BTRC: variants seen among roughly 807,000 people sequenced by gnomAD.
BTRC encodes F-box/WD repeat-containing protein 1A.
A neutral mutation model predicts 85.5 loss-of-function variants in BTRC; 42 were observed. That is an observed-to-expected ratio of 0.49 (90% confidence interval 0.38 to 0.64). The LOEUF (loss-of-function observed/expected upper bound fraction) is 0.64, where lower values mean the gene tolerates loss of function less well. Among genes scored for constraint, BTRC ranks in the 30% least tolerant of loss-of-function variants. The probability of loss-of-function intolerance (pLI) is 0.00; values close to 1 mark genes in which losing one functional copy is unlikely to be tolerated. For missense variants in BTRC, 594 were observed against 743.5 expected (o/e 0.80, Z 2.34); for synonymous variants, 255 against 263.3 (o/e 0.97, Z 0.30).
At chr10:101,481,684 A>G (rs979637367) in intron 4 of BTRC, among the ~76,000 whole-genome samples, 2 of 152,174 alleles carry the variant, frequency 1.3e-5, no homozygotes, top group Admixed American at 1.3e-4. Flanking sequence ...GTGAGAAAGT[A>G]AGTTTGCTCA....
chr10:101,513,924 T>C (rs1392265439), intron 4 of BTRC, among the ~76,000 whole-genome samples: 1 of 152,216 alleles, frequency 6.6e-6, no homozygotes, highest in East Asian at 1.9e-4. Context: ...TGTTCCTCAT[T>C]CTTGTCCACA....
Position 101,518,240 on chromosome 10 carries a change from A to G in BTRC, c.325-3399A>G, listed in dbSNP as rs185388853. Among the ~76,000 whole-genome samples, 148 of 152,242 alleles carry G rather than the reference A, an allele frequency of 9.7e-4. 2 individuals are homozygous for G. Among genetic ancestry groups the G allele is most frequent in the African/African-American group, 3.4e-3 (141 of 41,560 alleles). ...GTAGTGTCTTAATTGGCCTCCTTCT[A>G]TTTATGTCCCATATAGTTTTAAAGG... On this transcript the variant is annotated intron_variant, in intron 4 of 14. Transcript: ENST00000370187.
chr10:101,363,131 A>G lies in BTRC; in HGVS notation c.48+8903A>G, dbSNP rs1942260588. Among the ~76,000 whole-genome samples the G allele has an allele frequency of 2.6e-5, 4 of 152,146 alleles. No individual in the cohort carries two copies. The South Asian group carries it at 8.3e-4, about 31-fold the overall frequency. On this transcript the variant is annotated intron_variant, in intron 1 of 14. Transcript: ENST00000370187. ...ATACTGTTCTAAGCTCTTTATATAT[A>G]TTATTTCATTTAATCCTCCCAGTAA...
At chr10:101,479,201 A>G (rs1420732026) in intron 3 of BTRC, among the ~76,000 whole-genome samples, 167 bp from the exon 4 acceptor site, 1 of 128,320 alleles carries the variant, frequency 7.8e-6, no homozygotes, top group East Asian at 2.0e-4. Context: ...TGTAGCCTCT[A>G]TCTTTGCCCT....
chr10:101,509,206 A>G (rs1037753590), intron 4 of BTRC, among the ~76,000 whole-genome samples: 5 of 119,892 alleles, frequency 4.2e-5, no homozygotes, highest in African/African-American at 6.8e-5. Flanking sequence ...AAACAATCCT[A>G]TTTCCTCTCA....
intron 1 of BTRC, among the ~76,000 whole-genome samples, chr10:101,361,037 C>T (rs1942190862): frequency 6.6e-6 from 1 of 152,034 alleles, no homozygotes; most frequent in Admixed American, 6.6e-5. Context: ...AACTCCTGGC[C>T]TCAAGTTATT....
At chr10:101,502,708 A>G (rs1471644736) in intron 4 of BTRC, among the ~76,000 whole-genome samples, 2 of 152,226 alleles carry the variant, frequency 1.3e-5, no homozygotes, top group African/African-American at 4.8e-5. Flanking sequence ...CTGTACTCAC[A>G]AAAAGCAATA....
At chr10:101,400,394 G>A (rs1298776898) in intron 1 of BTRC, among the ~76,000 whole-genome samples, 1 of 150,520 alleles carries the variant, frequency 6.6e-6, no homozygotes, top group Non-Finnish European at 1.5e-5. Flanking sequence ...AACTTGGTTT[G>A]CAGTCATTGA....
rs146804594 is a variant in BTRC at position 101,385,615 on chromosome 10, C to CTTTTTTTTTTTTTTTT, written c.48+31389_48+31390insTTTTTTTTTTTTTTTT. 7.0e-4 allele frequency among the ~76,000 whole-genome samples: 34 copies of CTTTTTTTTTTTTTTTT among 48,874 alleles called. 2 individuals are homozygous for CTTTTTTTTTTTTTTTT. The highest frequency in any genetic ancestry group is 2.4e-3 in the East Asian group (6 of 2,528). 32.1% of individuals were successfully genotyped at this position (48,874 alleles called of 152,430 possible). ...TTTTCTTTGTTCTTTCTTTCTTCTT[C>CTTTTTTTTTTTTTTTT]TTCTTTTTTTTTTTTTTTGTGTGTT... On this transcript the variant is annotated intron_variant, in intron 1 of 14. Coordinates refer to ENST00000370187, the MANE Select transcript of BTRC (RefSeq NM_033637.4).
chr10:101,447,297 G>C (rs1489028137), intron 2 of BTRC, among the ~76,000 whole-genome samples: 1 of 152,158 alleles, frequency 6.6e-6, no homozygotes, highest in Non-Finnish European at 1.5e-5. Flanking sequence ...CACTCAGAAA[G>C]AAAGGAGATG....
chr10:101,509,224 C>T (rs1946626461), intron 4 of BTRC, among the ~76,000 whole-genome samples: 1 of 146,456 alleles, frequency 6.8e-6, no homozygotes, highest in Admixed American at 6.8e-5. Flanking sequence ...TCAATTCAAG[C>T]ATGACAGTGG....
intron 2 of BTRC, among the ~76,000 whole-genome samples, chr10:101,455,236 A>G (rs1325278645): frequency 8.1e-6 from 1 of 123,252 alleles, no homozygotes; most frequent in Non-Finnish European, 1.8e-5. Flanking sequence ...TTTTTTTTTT[A>G]TGTAGAGGTA....
chr10:101,532,813 T>C (rs879238176), intron 8 of BTRC, 139 bp from the exon 9 acceptor site: 1 of 493,870 alleles, frequency 2.0e-6, no homozygotes, highest in South Asian at 2.2e-5. Flanking sequence ...CGCGCGCGCT[T>C]AGCTATACCT....
intron 1 of BTRC, among the ~76,000 whole-genome samples, chr10:101,407,905 G>T (rs1342218908): frequency 6.6e-6 from 1 of 151,546 alleles, no homozygotes; most frequent in East Asian, 1.9e-4. Flanking sequence ...TGTATTTTTA[G>T]TAGAGACAGG....
intron 4 of BTRC, among the ~76,000 whole-genome samples, chr10:101,521,396 T>A (rs1250322668): frequency 6.6e-6 from 1 of 152,270 alleles, no homozygotes; most frequent in African/African-American, 2.4e-5. Context: ...TTTATTTGTG[T>A]ATCTTCAAAT....
chr10:101,475,358 G>A (rs1945649868), intron 3 of BTRC, among the ~76,000 whole-genome samples: 1 of 152,118 alleles, frequency 6.6e-6, no homozygotes, highest in South Asian at 2.1e-4. Flanking sequence ...TGGCCAACAT[G>A]GTAAAACCCT....
intron 1 of BTRC, among the ~76,000 whole-genome samples, chr10:101,369,996 C>T (rs1040168942): frequency 6.6e-6 from 1 of 152,202 alleles, no homozygotes; most frequent in African/African-American, 2.4e-5. Flanking sequence ...CTACACCCTT[C>T]CATGAACACC....
chr10:101,444,098 C>CT (rs1944762617), intron 2 of BTRC, among the ~76,000 whole-genome samples: 1 of 152,146 alleles, frequency 6.6e-6, no homozygotes, highest in South Asian at 2.1e-4. Context: ...AAATGGTATA[C>CT]TTATGTTCAT....
At chr10:101,471,252 G>A (rs1397324598) in intron 3 of BTRC, among the ~76,000 whole-genome samples, 1 of 152,120 alleles carries the variant, frequency 6.6e-6, no homozygotes, top group Non-Finnish European at 1.5e-5. Flanking sequence ...GCTGGGTGTG[G>A]TGGCTCCCTC....
Sources: allele counts gnomAD v4.1 joint callset (sites outside exome capture counted in the v4.1 genomes callset), GRCh38; gene constraint gnomAD v4.1.1; transcripts MANE v1.5; gene names NCBI Gene and HGNC (gene_info 2026-07-23, HGNC 2026-07-21).